The following TTC28 variants were observed in gnomAD, a reference collection of about 807,000 sequenced individuals.
TTC28 encodes tetratricopeptide repeat domain 28.
A neutral mutation model predicts 198.0 loss-of-function variants in TTC28; 61 were observed. The observed-to-expected ratio is 0.31, with a 90% confidence interval of 0.25 to 0.38. The LOEUF (loss-of-function observed/expected upper bound fraction) is 0.38, where lower values mean the gene tolerates loss of function less well. Ranked by LOEUF, TTC28 falls within the 10% of genes least tolerant of loss-of-function variation. The pLI is 1.00. For synonymous variants in TTC28, 1,171 were observed against 1,297.8 expected (o/e 0.90, Z 2.10); for missense variants, 2,678 against 3,164.0 (o/e 0.85, Z 3.69).
intron 2 of TTC28, among the ~76,000 whole-genome samples, chr22:28,311,097 C>T (rs991361768): frequency 2.0e-5 from 3 of 151,846 alleles, no homozygotes; most frequent in African/African-American, 4.8e-5. Context: ...TATTCTTAGT[C>T]GATATTTCAA....
At chr22:28,090,404 A>C (rs1941777066) in intron 12 of TTC28, among the ~76,000 whole-genome samples, 1 of 152,058 alleles carries the variant, frequency 6.6e-6, no homozygotes, top group African/African-American at 2.4e-5. Flanking sequence ...CTTTGTAAAC[A>C]TAATTTTAAT....
chr22:28,161,415 C>T (rs1223257410), intron 6 of TTC28, among the ~76,000 whole-genome samples: 1 of 152,054 alleles, frequency 6.6e-6, no homozygotes, highest in African/African-American at 2.4e-5. Flanking sequence ...CTGATGCCCA[C>T]CATGGGCAGG....
chr22:28,468,181 T>C (rs930930969), intron 2 of TTC28, among the ~76,000 whole-genome samples: 1 of 152,078 alleles, frequency 6.6e-6, no homozygotes, highest in Non-Finnish European at 1.5e-5. Context: ...GAGCATGGTT[T>C]GGGGGCAATG....
chr22:28,483,095 T>C (rs1264152349), intron 2 of TTC28, among the ~76,000 whole-genome samples: 4 of 152,218 alleles, frequency 2.6e-5, no homozygotes, highest in Non-Finnish European at 5.9e-5. Flanking sequence ...GGTCATATGG[T>C]AATTCTATGT....
intron 2 of TTC28, among the ~76,000 whole-genome samples, chr22:28,588,937 C>T (rs997640551): frequency 1.3e-5 from 2 of 152,194 alleles, no homozygotes; most frequent in African/African-American, 2.4e-5. Context: ...ATTTTTAACA[C>T]ATAGAACTCC....
At chr22:28,539,637 A>G (rs894338732) in intron 2 of TTC28, among the ~76,000 whole-genome samples, 1 of 149,418 alleles carries the variant, frequency 6.7e-6, no homozygotes, top group Non-Finnish European at 1.5e-5. Flanking sequence ...CACTGTCTCA[A>G]AAAAAAAAAG....
At chr22:28,644,203 T>A (rs1047645633) in intron 1 of TTC28, among the ~76,000 whole-genome samples, 3 of 150,728 alleles carry the variant, frequency 2.0e-5, no homozygotes, top group African/African-American at 7.3e-5. Context: ...ATCGAGACCA[T>A]CCTGGCTAAC....
intron 2 of TTC28, among the ~76,000 whole-genome samples, chr22:28,447,348 A>T (rs1370687750): frequency 1.3e-5 from 2 of 152,252 alleles, no homozygotes; most frequent in Non-Finnish European, 2.9e-5. Flanking sequence ...TAGAAATATC[A>T]ATTCAGCAAT....
chr22:28,132,988 C>T (rs551322884), intron 6 of TTC28, among the ~76,000 whole-genome samples: 3 of 152,256 alleles, frequency 2.0e-5, no homozygotes, highest in African/African-American at 7.2e-5. Context: ...CTTTGGGAGG[C>T]GGAGGTGGGC....
At position 28,174,097 on chromosome 22, in the gene TTC28, A is replaced by G. The variant is rs534585540; in HGVS notation, c.934-10498T>C. Among the ~76,000 whole-genome samples, 49 of 152,284 alleles carry G rather than the reference A, an allele frequency of 3.2e-4. 1 individual carries two copies. The highest frequency in any genetic ancestry group is 1.9e-3 in the South Asian group (9 of 4,830). On this transcript the variant is annotated intron_variant, in intron 5 of 22. Transcript: ENST00000397906. ...TCCTAGATTAACTACCCACAACCCA[A>G]TAGGAAGAAATACATAGAAGAATAA...
chr22:28,455,713 CAAAAAA>C (rs747031430), intron 2 of TTC28, among the ~76,000 whole-genome samples: 1 of 121,942 alleles, frequency 8.2e-6, no homozygotes, highest in Non-Finnish European at 1.8e-5. Flanking sequence ...GACTCTTTCC[CAAAAAA>C]AAAAAAAAAA....
intron 2 of TTC28, among the ~76,000 whole-genome samples, chr22:28,557,836 T>C (rs1034958101): frequency 1.3e-5 from 2 of 152,234 alleles, no homozygotes; most frequent in African/African-American, 4.8e-5. Flanking sequence ...GCTCTATCAA[T>C]CTTCTCTGGT....
chr22:28,159,974 T>C (rs1920994088), intron 6 of TTC28, among the ~76,000 whole-genome samples: 1 of 152,188 alleles, frequency 6.6e-6, no homozygotes, highest in African/African-American at 2.4e-5. Flanking sequence ...AAACATTGCA[T>C]GTTCTCACTT....
At chr22:28,087,293 C>T (rs1941643703) in intron 12 of TTC28, among the ~76,000 whole-genome samples, 1 of 152,178 alleles carries the variant, frequency 6.6e-6, no homozygotes, top group Admixed American at 6.5e-5. Context: ...ACCAGCAGCA[C>T]ATCAAAACGC....
chr22:27,994,001 G>A (rs1333175108), intron 17 of TTC28, among the ~76,000 whole-genome samples: 1 of 152,192 alleles, frequency 6.6e-6, no homozygotes, highest in Non-Finnish European at 1.5e-5. Flanking sequence ...CTGGCTTCTG[G>A]AGCCTATACC....
chr22:28,278,195 A>T (rs1327349169), intron 5 of TTC28, among the ~76,000 whole-genome samples: 3 of 152,162 alleles, frequency 2.0e-5, no homozygotes, highest in Non-Finnish European at 4.4e-5. Flanking sequence ...GAAACTACTG[A>T]ATTATATCAA....
intron 2 of TTC28, among the ~76,000 whole-genome samples, chr22:28,614,153 GACAA>G (rs1181305538): frequency 5.3e-5 from 8 of 152,050 alleles, no homozygotes; most frequent in Non-Finnish European, 7.4e-5. Context: ...ACCAATAACA[GACAA>G]ACAGAGAGCC....
chr22:28,249,858 G>A (rs1307211797), intron 5 of TTC28, among the ~76,000 whole-genome samples: 1 of 152,148 alleles, frequency 6.6e-6, no homozygotes, highest in African/African-American at 2.4e-5. Context: ...CATTACCTCA[G>A]AGGTCGGGCC....
intron 2 of TTC28, among the ~76,000 whole-genome samples, chr22:28,583,985 T>G (rs555519247): frequency 1.8e-5 from 2 of 108,780 alleles, no homozygotes; most frequent in Non-Finnish European, 4.2e-5. Flanking sequence ...TCTTTCTCCG[T>G]TTTTTTTTTG....
Sources: gnomAD v4.1 joint callset for allele counts (sites outside exome capture counted in the v4.1 genomes callset) on GRCh38, gnomAD v4.1.1 for gene constraint, MANE v1.5 for transcripts, NCBI Gene and HGNC (gene_info 2026-07-23, HGNC 2026-07-21) for gene names.